The following ZNF443 variants were observed in gnomAD, a reference collection of about 807,000 sequenced individuals.
The protein encoded by ZNF443 is Kruppel-type zinc finger (C2H2).
ZNF443 carries 3 observed loss-of-function variants against 12.0 expected under a neutral mutation model. The ratio of observed to expected loss-of-function variants is 0.25; its 90% confidence interval spans 0.11 to 0.64. The LOEUF (loss-of-function observed/expected upper bound fraction) is 0.64, where lower values mean the gene tolerates loss of function less well. Among genes scored for constraint, ZNF443 ranks in the 30% least tolerant of loss-of-function variants. The pLI, the probability that ZNF443 is intolerant of heterozygous loss-of-function variation, is 0.84. For synonymous variants in ZNF443, 225 were observed against 265.9 expected (o/e 0.85, Z 1.50); for missense variants, 770 against 808.8 (o/e 0.95, Z 0.58).
At chr19:12,437,026 T>C (rs1970318431) in intron 1 of ZNF443, among the ~76,000 whole-genome samples, 2 of 151,554 alleles carry the variant, frequency 1.3e-5, no homozygotes, top group Non-Finnish European at 2.9e-5. Context: ...AGTACAGTGT[T>C]ACTTAAAACT....
intron 1 of ZNF443, among the ~76,000 whole-genome samples, chr19:12,433,866 T>C (rs999668999): frequency 6.8e-6 from 1 of 146,322 alleles, no homozygotes; most frequent in African/African-American, 2.5e-5. Flanking sequence ...AAAAAAAAAG[T>C]GGGGGCTTTA....
intron 1 of ZNF443, among the ~76,000 whole-genome samples, chr19:12,439,969 G>A (rs1599623708): frequency 1.3e-5 from 2 of 151,674 alleles, no homozygotes; most frequent in Non-Finnish European, 2.9e-5. Context: ...CCTAGGAAGA[G>A]TCAGGATGAG....
chr19:12,440,793 G>C (rs369676340), intron 1 of ZNF443, 119 bp downstream of exon 1: 5 of 1,551,372 alleles, frequency 3.2e-6, no homozygotes, highest in South Asian at 1.1e-5. Context: ...ACGCCAGGGG[G>C]ACCCGGGTCC....
At chr19:12,435,767 T>C (rs191051534) in intron 1 of ZNF443, among the ~76,000 whole-genome samples, 1 of 151,670 alleles carries the variant, frequency 6.6e-6, no homozygotes, top group East Asian at 1.9e-4. Flanking sequence ...GAACACTGGA[T>C]GAACACACAC....
rs761308930 is a variant in ZNF443 at position 12,430,310 on chromosome 19, C to G, written c.1862G>C (p.Cys621Ser). 3 of 1,613,258 alleles carry G rather than the reference C, an allele frequency of 1.9e-6. No individual in the cohort carries two copies. Among genetic ancestry groups the G allele is most frequent in the Non-Finnish European group, 1.7e-6 (2 of 1,179,784 alleles). ...ACTGAGAGAAGCAAATGCTTTCCCA[C>G]ATTCCTTACATTCATACGGGTTCTC... ...TGENPYECKE[C>S]GKAFASLSSL... Residue 621 changes from cysteine (C) to serine (S), a missense_variant, in exon 4 of 4, where the codon TGT becomes TCT. Transcript: ENST00000301547.
Position 12,431,022 on chromosome 19 carries a change from C to A in ZNF443, c.1150G>T (p.Glu384Ter). ...GGTTTCTCTCCAGTGTGAGTTCTTT[C>A]ATGACTTTGCAGTGAACTAGGACAA... Reference protein sequence around the residue: ...FDCPSSLQSHERTHTGEKPYE... With the variant: ...FDCPSSLQSH The change falls in exon 4 of 4, where the codon GAA becomes TAA. Residue 384 changes from glutamate (E) to a stop codon, truncating the protein, a stop_gained. Transcript: ENST00000301547. LOFTEE classifies it low-confidence loss of function (END_TRUNC). 1 of 1,614,116 alleles carries A rather than the reference C, an allele frequency of 6.2e-7. No individual in the cohort carries two copies. Among genetic ancestry groups the A allele is most frequent in the Non-Finnish European group, 8.5e-7 (1 of 1,179,968 alleles).
chr19:12,440,851 G>GCCA, intron 1 of ZNF443, 61 bp downstream of exon 1: 1 of 1,613,298 alleles, frequency 6.2e-7, no homozygotes, highest in Admixed American at 1.7e-5. Context: ...AGCCACAGCC[G>GCCA]ATTACGGCCG....
At chr19:12,435,269 C>A (rs1180694183) in intron 1 of ZNF443, among the ~76,000 whole-genome samples, 3 of 152,096 alleles carry the variant, frequency 2.0e-5, no homozygotes, top group Non-Finnish European at 4.4e-5. Context: ...AGCCACAGTG[C>A]CCAGCCAAGG....
intron 1 of ZNF443, among the ~76,000 whole-genome samples, chr19:12,434,147 G>C (rs181763684): frequency 6.6e-6 from 1 of 152,080 alleles, no homozygotes; most frequent in African/African-American, 2.4e-5. Context: ...ATAAATTACC[G>C]AGGTTCAGTA....
In ZNF443 at chr19:12,430,888, T is replaced by G; in HGVS notation, c.1284A>C (p.Lys428Asn). ...GAAATACACTGGGATAAACAAAGGC[T>G]TTCCCACATACCTTGCATTTATGAG... ...DGPHKCKVCG[K>N]AFVYPSVFQR... is the part of the protein sequence containing the mutation. Residue 428 changes from lysine (K) to asparagine (N), a missense_variant, in exon 4 of 4, where the codon AAA (lysine) becomes AAC (asparagine). Physicochemically the swap from Lys to Asn is moderately conservative, Grantham distance 94 (BLOSUM62 0). This residue lies in a region of ZNF443 where 736 missense variants were observed against 689.4 expected (regional missense o/e 1.07). Transcript: ENST00000301547. The G allele has an allele frequency of 6.2e-7, 1 of 1,614,146 alleles. No homozygotes were observed. The highest frequency in any genetic ancestry group is 8.5e-7 in the Non-Finnish European group (1 of 1,180,004).
chr19:12,437,782 C>T (rs982398394), intron 1 of ZNF443, among the ~76,000 whole-genome samples: 24 of 151,548 alleles, frequency 1.6e-4, no homozygotes, highest in African/African-American at 5.3e-4. Flanking sequence ...AAATATACTC[C>T]ATTCTAGCCC....
intron 1 of ZNF443, among the ~76,000 whole-genome samples, chr19:12,435,695 G>C: frequency 6.6e-6 from 1 of 151,706 alleles, no homozygotes. Context: ...GACTGGAAGA[G>C]GTCAGGCTTT....
Position 12,429,934 on chromosome 19 carries a change from C to T in ZNF443, c.*222G>A, listed in dbSNP as rs28488863. On this transcript the variant is annotated 3_prime_UTR_variant, in exon 4 of 4. Coordinates refer to ENST00000301547, the MANE Select transcript of ZNF443 (RefSeq NM_005815.5). ...AGGATGTGGGTAAGTTACATACAAA[C>T]ATGTCATTTTATAAAAGGGACTGGA... is the stretch of plus-strand genomic sequence containing the variant. 0.27 allele frequency: 193,743 copies of T among 708,284 alleles called. 30,818 individuals are homozygous for T. Among genetic ancestry groups the T allele is most frequent in the South Asian group, 0.46 (22,551 of 48,958 alleles). The allele number at this position is 708,284 out of a possible 1,614,324, so 43.9% of individuals were successfully genotyped here.
intron 1 of ZNF443, among the ~76,000 whole-genome samples, chr19:12,439,401 G>GC (rs1384093541): frequency 2.0e-5 from 3 of 152,064 alleles, no homozygotes; most frequent in African/African-American, 7.2e-5. Flanking sequence ...TCCCCAGGGG[G>GC]CCACACCTTC....
rs139237964 is a variant in ZNF443, at chr19:12,431,137, C to T, written c.1035G>A (p.Ala345=). Residue 345 remains alanine (A), a synonymous_variant, in exon 4 of 4, where the codon GCG becomes GCA. Transcript: ENST00000301547. ...KPYACQQCGK[A]FHHLGSFQRH... is the part of the protein sequence containing the mutation. ...TTTGAAAGCTTCCCAGATGATGAAA[C>T]GCTTTCCCACATTGCTGACATGCAT... The T allele has an allele frequency of 2.7e-3, 4,312 of 1,613,710 alleles. 65 individuals are homozygous for T. In the African/African-American group the frequency reaches 0.046, roughly 17 times the overall value.
At position 12,433,682 on chromosome 19, in the gene ZNF443, CA is replaced by C. The variant is rs1242302397; in HGVS notation, c.4-486del. Among the ~76,000 whole-genome samples the C allele has an allele frequency of 3.3e-5, 5 of 150,724 alleles. No individual in the cohort carries two copies. In the East Asian group the frequency reaches 7.8e-4, roughly 23 times the overall value. ...GTGGAGTGTGCCTAAATTGTTCATG[CA>C]AAAAAAATATAGTATTTCGTTAACT... On this transcript the variant is annotated intron_variant, in intron 1 of 3. Transcript: ENST00000301547.
intron 1 of ZNF443, 128 bp downstream of exon 1, chr19:12,440,784 C>A (rs1389902629): frequency 3.3e-6 from 5 of 1,523,038 alleles, no homozygotes; most frequent in Non-Finnish European, 4.5e-6. Context: ...GGCCGACCTA[C>A]GCCAGGGGGA....
Position 12,431,479 on chromosome 19 carries a change from A to G in ZNF443, c.693T>C (p.Ser231=), listed in dbSNP as rs1305905874. The change falls in exon 4 of 4, where the codon TCT becomes TCC. Residue 231 remains serine (S), a synonymous_variant. Coordinates refer to ENST00000301547, the MANE Select transcript of ZNF443 (RefSeq NM_005815.5). ...AGGAACTGTAAAAAGAAAAGGCTTTAGAACACTGCTTACATTCATATGGTT... is the reference window on the plus strand; with the variant it reads ...AGGAACTGTAAAAAGAAAAGGCTTTGGAACACTGCTTACATTCATATGGTT... ...GEKPYECKQC[S]KAFSFYSSYL... 3.7e-6 allele frequency: 6 copies of G among 1,613,930 alleles called. No individual in the cohort carries two copies. The highest frequency in any genetic ancestry group is 3.4e-6 in the Non-Finnish European group (4 of 1,179,934).
At position 12,431,217 on chromosome 19, in the gene ZNF443, T is replaced by G. The variant is rs751443459; in HGVS notation, c.955A>C (p.Ser319Arg). The G allele has an allele frequency of 1.8e-5, 29 of 1,613,116 alleles. No individual in the cohort carries two copies. The East Asian group carries it at 6.5e-4, about 36-fold the overall frequency. ...TGTCTTTGAAGGGAACCGGAAACAC[T>G]GAAGGCTTTCCCACATTGTTTACAT... is the stretch of plus-strand genomic sequence containing the variant. ...YTCKQCGKAF[S>R]VSGSLQRHET... Residue 319 changes from serine (S) to arginine (R), a missense_variant, in exon 4 of 4, where the codon AGT becomes CGT. This residue lies in a region of ZNF443 where 736 missense variants were observed against 689.4 expected (regional missense o/e 1.07). Transcript: ENST00000301547.
Sources: gnomAD v4.1 joint callset for allele counts (sites outside exome capture counted in the v4.1 genomes callset) on GRCh38, gnomAD v4.1.1 for gene constraint, gnomAD v4.1.1 regional missense constraint, MANE v1.5 for transcripts, NCBI Gene and HGNC (gene_info 2026-07-23, HGNC 2026-07-21) for gene names.